The following CELF1 variants were observed in gnomAD, a reference collection of about 807,000 sequenced individuals.
The protein encoded by CELF1 is 50 kDa nuclear polyadenylated RNA-binding protein.
In CELF1, 10 loss-of-function variants were observed where a neutral mutation model predicts 61.8. The observed-to-expected ratio is 0.16, with a 90% CI of 0.10 to 0.27. The LOEUF is 0.27. Ranked by LOEUF, CELF1 falls within the 10% of genes least tolerant of loss-of-function variation. CELF1 has a pLI of 1.00. For synonymous variants in CELF1, 236 were observed against 225.1 expected, an observed-to-expected ratio of 1.05 and a Z score of -0.43; for missense variants, 380 against 639.1, an observed-to-expected ratio of 0.59 and a Z score of 4.37.
rs2077949491 is a variant in CELF1 at position 47,472,312 on chromosome 11, T to C, written c.1463A>G (p.Gln488Arg). 1 of 1,614,050 alleles carries C rather than the reference T, an allele frequency of 6.2e-7. No homozygotes were observed. Among genetic ancestry groups the C allele is most frequent in the South Asian group, 1.1e-5 (1 of 91,090 alleles). ...GCCAATCTGAAAGCCGTTCATGGAC[T>C]GGATGGCAGCTTGGGCCGAAACAGG... ...DNPVSAQAAI[Q>R]SMNGFQIGMK... The change falls in exon 15 of 15, where the codon CAG becomes CGG. Residue 488 changes from glutamine (Q) to arginine (R), a missense_variant. Physicochemically the swap from Gln to Arg is conservative, Grantham distance 43. Transcript: ENST00000687097.
At chr11:47,536,798 T>C (rs952775879) in intron 1 of CELF1, among the ~76,000 whole-genome samples, 1 of 152,158 alleles carries the variant, frequency 6.6e-6, no homozygotes, top group African/African-American at 2.4e-5. Context: ...CTTGTAAATG[T>C]ATGCAGAGAC....
intron 12 of CELF1, among the ~76,000 whole-genome samples, chr11:47,475,964 T>C (rs1017823853): frequency 2.6e-5 from 4 of 152,136 alleles, no homozygotes; most frequent in African/African-American, 9.7e-5. Flanking sequence ...TACTGTACTA[T>C]GCAATGTGCT....
At chr11:47,496,231 A>T (rs975098769) in intron 3 of CELF1, among the ~76,000 whole-genome samples, 2 of 152,238 alleles carry the variant, frequency 1.3e-5, no homozygotes, top group African/African-American at 4.8e-5. Flanking sequence ...AGAAAAAGCT[A>T]TCTCTAAGGA....
chr11:47,506,489 A>C (rs111801532), intron 1 of CELF1, among the ~76,000 whole-genome samples: 4 of 152,318 alleles, frequency 2.6e-5, no homozygotes, highest in African/African-American at 9.6e-5. Flanking sequence ...GTTAGGCTAT[A>C]TCCAAAGCTG....
chr11:47,482,668 T>C, intron 9 of CELF1, 27 bp downstream of exon 9: 2 of 1,602,854 alleles, frequency 1.2e-6, no homozygotes, highest in Non-Finnish European at 1.7e-6. Flanking sequence ...TTGCACAGTC[T>C]GCAGAAAGCA....
chr11:47,515,825 GA>G (rs2095520863), intron 1 of CELF1, among the ~76,000 whole-genome samples: 5 of 152,312 alleles, frequency 3.3e-5, no homozygotes, highest in Admixed American at 2.6e-4. Flanking sequence ...GGACTTTCTT[GA>G]GTCACAGTGC....
upstream of CELF1, among the ~76,000 whole-genome samples, chr11:47,556,588 T>C (rs2097206527): frequency 6.6e-6 from 1 of 152,196 alleles, no homozygotes; most frequent in African/African-American, 2.4e-5. Flanking sequence ...GAAATGATGA[T>C]AGCCAGGCAT....
chr11:47,530,537 G>A (rs2096433737), intron 1 of CELF1, among the ~76,000 whole-genome samples: 1 of 152,232 alleles, frequency 6.6e-6, no homozygotes, highest in African/African-American at 2.4e-5. Context: ...GCAGTCTAGA[G>A]AGGATGATGT....
intron 1 of CELF1, among the ~76,000 whole-genome samples, chr11:47,529,067 GTTTAT>G (rs2096368568): frequency 1.4e-5 from 2 of 147,050 alleles, no homozygotes; most frequent in Middle Eastern, 3.5e-3. Context: ...ACCTCACCCA[GTTTAT>G]TTTACTTTTT....
At chr11:47,529,822 A>G (rs1290482142) in intron 1 of CELF1, among the ~76,000 whole-genome samples, 2 of 152,146 alleles carry the variant, frequency 1.3e-5, no homozygotes, top group East Asian at 3.9e-4. Context: ...CTTAAAAAAA[A>G]AAGAGAGACA....
chr11:47,546,751 AC>A (rs2096962481), intron 1 of CELF1, among the ~76,000 whole-genome samples: 1 of 152,102 alleles, frequency 6.6e-6, no homozygotes, highest in African/African-American at 2.4e-5. Context: ...TTCATGTGAT[AC>A]TTTTTCAGCA....
In CELF1 at chr11:47,482,968, G is replaced by C. The variant is rs2084267124; in HGVS notation, c.607-112C>G. 4 of 930,188 alleles carry C rather than the reference G, an allele frequency of 4.3e-6. No homozygotes were observed. The East Asian group carries it at 1.0e-4, about 24-fold the overall frequency. 57.6% of individuals were successfully genotyped at this position (930,188 alleles called of 1,614,324 possible). On this transcript the variant is annotated intron_variant, in intron 8 of 14. Coordinates refer to ENST00000687097, the MANE Select transcript of CELF1 (RefSeq NM_001376376.1). ...ATTCTAATTTCATTCACTGCCAAAT[G>C]ATTCTCCTCATGATAGACACAAGAG...
chr11:47,511,422 G>C (rs2095158560), intron 1 of CELF1, among the ~76,000 whole-genome samples: 1 of 151,590 alleles, frequency 6.6e-6, no homozygotes, highest in Non-Finnish European at 1.5e-5. Context: ...ATTATATCTG[G>C]CTTTGACATA....
intron 9 of CELF1, among the ~76,000 whole-genome samples, chr11:47,480,913 G>A (rs976935151): frequency 6.6e-6 from 1 of 151,998 alleles, no homozygotes; most frequent in Non-Finnish European, 1.5e-5. Context: ...GCACATGACT[G>A]TAATCCCAGC....
rs1254691838 is a variant in CELF1, at chr11:47,466,010, T to A, written c.*6220A>T. The stretch of plus-strand genomic sequence containing the variant: ...TTGGCAGATACAAAATGACTTTTTG[T>A]CCATGTGTCTGTGCAATTAAAACAG... On this transcript the variant is annotated 3_prime_UTR_variant, in exon 15 of 15. Transcript: ENST00000687097. 1 of 152,136 alleles carries A rather than the reference T, an allele frequency of 6.6e-6. No individual in the cohort carries two copies. Among genetic ancestry groups the A allele is most frequent in the Non-Finnish European group, 1.5e-5 (1 of 68,032 alleles). 9.4% of individuals were successfully genotyped at this position (152,136 alleles called of 1,614,324 possible). A position where few individuals can be genotyped will look rare whatever the true frequency, so the allele number is the denominator to read the frequency against.
chr11:47,542,299 C>T (rs1018921373), intron 1 of CELF1, among the ~76,000 whole-genome samples: 2 of 151,992 alleles, frequency 1.3e-5, no homozygotes, highest in East Asian at 1.9e-4. Flanking sequence ...ACCCGGGAGG[C>T]GAAGGCTGCA....
intron 3 of CELF1, among the ~76,000 whole-genome samples, chr11:47,491,663 G>A (rs1047538175): frequency 6.6e-6 from 1 of 152,122 alleles, no homozygotes; most frequent in Admixed American, 6.5e-5. Flanking sequence ...TTCCACCTTC[G>A]TTGTGGAAAT....
intron 1 of CELF1, among the ~76,000 whole-genome samples, chr11:47,516,906 T>C (rs1197904287): frequency 6.6e-6 from 1 of 152,116 alleles, no homozygotes; most frequent in South Asian, 2.1e-4. Flanking sequence ...CCCAGCTCAC[T>C]AGTATTTTTC....
chr11:47,505,936 C>CA (rs71457222), intron 1 of CELF1, among the ~76,000 whole-genome samples: 44,337 of 103,220 alleles, frequency 0.43, 9,263 homozygotes, highest in South Asian at 0.55. Flanking sequence ...ACTCTGTCTC[C>CA]AAAAAAAAAA....
Sources: allele counts gnomAD v4.1 joint callset (sites outside exome capture counted in the v4.1 genomes callset), GRCh38; gene constraint gnomAD v4.1.1; transcripts MANE v1.5; gene names NCBI Gene and HGNC (gene_info 2026-07-23, HGNC 2026-07-21).